The following ATP2B2 variants were observed in gnomAD, a reference collection of about 807,000 sequenced individuals.
ATP2B2 encodes plasma membrane calcium-transporting ATPase 2.
ATP2B2 carries 15 observed loss-of-function variants against 120.0 expected under a neutral mutation model. The observed-to-expected ratio is 0.12, with a 90% confidence interval of 0.08 to 0.19. The LOEUF is 0.19. ATP2B2 is among the 10% of genes least tolerant of loss of function. The pLI, the probability that ATP2B2 is intolerant of heterozygous loss-of-function variation, is 1.00. For synonymous variants in ATP2B2, 694 were observed against 700.3 expected, an observed-to-expected ratio of 0.99 and a Z score of 0.14; for missense variants, 1,045 against 1,719.8, an observed-to-expected ratio of 0.61 and a Z score of 6.94.
At chr3:10,496,571 T>C (rs1306096393) in intron 1 of ATP2B2, among the ~76,000 whole-genome samples, 1 of 152,168 alleles carries the variant, frequency 6.6e-6, no homozygotes, top group African/African-American at 2.4e-5. Flanking sequence ...CCTTGTTTCC[T>C]TTCAGCCCCT....
intron 2 of ATP2B2, among the ~76,000 whole-genome samples, chr3:10,605,899 T>C (rs1037326274): frequency 5.9e-5 from 9 of 152,156 alleles, no homozygotes; most frequent in Admixed American, 5.9e-4. Context: ...TCTGCCTGCC[T>C]CAGCCTCCCA....
intron 22 of ATP2B2, 128 bp downstream of exon 22, chr3:10,338,048 G>T: frequency 8.0e-7 from 1 of 1,251,462 alleles, no homozygotes; most frequent in Non-Finnish European, 1.1e-6. Context: ...GAGCTGGCCG[G>T]GACCCCTCTG....
intron 1 of ATP2B2, among the ~76,000 whole-genome samples, chr3:10,643,557 C>A (rs1468451536): frequency 1.3e-5 from 2 of 152,194 alleles, no homozygotes; most frequent in Admixed American, 1.3e-4. Flanking sequence ...GGGCACATGG[C>A]ATCACATGCC....
At chr3:10,516,962 ATGTGTG>A (rs112098821) in intron 3 of ATP2B2, among the ~76,000 whole-genome samples, 8 of 149,714 alleles carry the variant, frequency 5.3e-5, no homozygotes, top group African/African-American at 1.2e-4. Context: ...CAATTTTCAG[ATGTGTG>A]TGTGTGTGTG....
intron 1 of ATP2B2, among the ~76,000 whole-genome samples, chr3:10,676,831 C>G (rs994704913): frequency 6.6e-6 from 1 of 152,116 alleles, no homozygotes; most frequent in Admixed American, 6.6e-5. Flanking sequence ...ATAAATTATG[C>G]GGAAGGTGAT....
At chr3:10,330,008 T>A (rs1314426186) in intron 22 of ATP2B2, among the ~76,000 whole-genome samples, 1 of 152,142 alleles carries the variant, frequency 6.6e-6, no homozygotes, top group Non-Finnish European at 1.5e-5. Context: ...TGCTTTGGGG[T>A]CTCTTATTTC....
chr3:10,600,794 C>A (rs893436407), intron 2 of ATP2B2, among the ~76,000 whole-genome samples: 2 of 152,146 alleles, frequency 1.3e-5, no homozygotes, highest in African/African-American at 2.4e-5. Flanking sequence ...AGAAAACCAA[C>A]CTTTTCCCTC....
At chr3:10,483,023 G>T (rs1162316838) in intron 1 of ATP2B2, among the ~76,000 whole-genome samples, 1 of 152,220 alleles carries the variant, frequency 6.6e-6, no homozygotes, top group East Asian at 1.9e-4. Context: ...GAGAGGTGAA[G>T]TCGCTTACCC....
At chr3:10,355,418 C>T (rs1299414198) in intron 14 of ATP2B2, among the ~76,000 whole-genome samples, 1 of 152,038 alleles carries the variant, frequency 6.6e-6, no homozygotes, top group Non-Finnish European at 1.5e-5. Context: ...AGAGCGTGGC[C>T]CATGTGGATG....
chr3:10,342,141 G>T lies in ATP2B2; in HGVS notation c.2917+611C>A, dbSNP rs997519146. On this transcript the variant is annotated intron_variant, in intron 19 of 22. Coordinates refer to ENST00000360273, the MANE Select transcript of ATP2B2 (RefSeq NM_001001331.4). This position sits in a 1 kb window ranked among gnomAD's most constrained non-coding sequence, Gnocchi z 4.4. ...ACCAGGCCAGTCTTGGCCCCAGCCAGACCTGGTTCTGTGCCCAGACTCTTC... is the reference window on the plus strand; with the variant it reads ...ACCAGGCCAGTCTTGGCCCCAGCCATACCTGGTTCTGTGCCCAGACTCTTC... Among the ~76,000 whole-genome samples the T allele has an allele frequency of 2.6e-5, 4 of 152,254 alleles. No individual in the cohort carries two copies. Among genetic ancestry groups the T allele is most frequent in the Non-Finnish European group, 4.4e-5 (3 of 68,044 alleles).
chr3:10,490,327 A>G (rs1461852327), intron 1 of ATP2B2, among the ~76,000 whole-genome samples: 1 of 152,012 alleles, frequency 6.6e-6, no homozygotes, highest in Non-Finnish European at 1.5e-5. Context: ...GGGAATAATA[A>G]CTGCTAGAGG....
In ATP2B2 at chr3:10,342,239, G is replaced by T. The variant is rs1000123289; in HGVS notation, c.2917+513C>A. ...CCTTGGTGCCCTCGTTTGTAATGTGGGGTGGAGGCAAATGTGCTTGCCTCA... is the reference window on the plus strand; with the variant it reads ...CCTTGGTGCCCTCGTTTGTAATGTGTGGTGGAGGCAAATGTGCTTGCCTCA... On this transcript the variant is annotated intron_variant, in intron 19 of 22. Transcript: ENST00000360273. The surrounding 1 kb of genome is among the most constrained non-coding windows in gnomAD (Gnocchi z 4.4). 1.7e-4 allele frequency among the ~76,000 whole-genome samples: 26 copies of T among 152,212 alleles called. No homozygotes were observed. Among genetic ancestry groups the T allele is most frequent in the African/African-American group, 6.3e-4 (26 of 41,456 alleles).
At position 10,329,109 on chromosome 3, in the gene ATP2B2, G is replaced by A. The variant is rs1328157604; in HGVS notation, c.3437C>T (p.Ala1146Val). The A allele has an allele frequency of 6.2e-7, 1 of 1,612,038 alleles. No homozygotes were observed. The highest frequency in any genetic ancestry group is 8.5e-7 in the Non-Finnish European group (1 of 1,179,532). Residue 1146 changes from alanine (A) to valine (V), a missense_variant, in exon 23 of 23, where the codon GCG (alanine) becomes GTG (valine). Transcript: ENST00000360273. The surrounding 1 kb of genome is among the most constrained non-coding windows in gnomAD (Gnocchi z 5.9). ...RIQTQIRVVK[A>V]FRSSLYEGLE... is the part of the protein sequence containing the mutation. Reference sequence around the variant, plus strand: ...ACCTTCATAGAGAGAGCTACGGAACGCCTTCACGACGCGGATCTGCAAGGG... The same window carrying A: ...ACCTTCATAGAGAGAGCTACGGAACACCTTCACGACGCGGATCTGCAAGGG...
intron 1 of ATP2B2, among the ~76,000 whole-genome samples, chr3:10,674,950 C>T (rs2071205431): frequency 6.6e-6 from 1 of 152,222 alleles, no homozygotes; most frequent in African/African-American, 2.4e-5. Flanking sequence ...TGTTTAGCTA[C>T]CGTATCTCTT....
chr3:10,609,204 G>A (rs74995506), intron 2 of ATP2B2, among the ~76,000 whole-genome samples: 1 of 151,850 alleles, frequency 6.6e-6, no homozygotes, highest in African/African-American at 2.4e-5. Context: ...TCCTGGGTGT[G>A]TACCAGGCAA....
At chr3:10,455,004 G>C (rs1289155828) in intron 1 of ATP2B2, among the ~76,000 whole-genome samples, 1 of 152,150 alleles carries the variant, frequency 6.6e-6, no homozygotes, top group Non-Finnish European at 1.5e-5. Context: ...GATTCTGAGA[G>C]CATCATGTGG....
intron 1 of ATP2B2, among the ~76,000 whole-genome samples, chr3:10,457,997 T>C (rs1374940815): frequency 6.6e-6 from 1 of 152,134 alleles, no homozygotes; most frequent in Non-Finnish European, 1.5e-5. Flanking sequence ...CACTGTCCTC[T>C]GTTCTCAGAG....
chr3:10,533,030 G>A (rs116339529), intron 3 of ATP2B2, among the ~76,000 whole-genome samples: 3,135 of 152,342 alleles, frequency 0.021, 50 homozygotes, highest in East Asian at 0.053. Context: ...TGCAACGTAA[G>A]TTGTGTCTGA....
At chr3:10,523,723 C>T (rs1229926731) in intron 3 of ATP2B2, among the ~76,000 whole-genome samples, 1 of 151,942 alleles carries the variant, frequency 6.6e-6, no homozygotes, top group East Asian at 1.9e-4. Flanking sequence ...CTTGATTATT[C>T]GGGGATCCTG....
Sources: allele counts gnomAD v4.1 joint callset (sites outside exome capture counted in the v4.1 genomes callset), GRCh38; gene constraint gnomAD v4.1.1; non-coding constraint Gnocchi (gnomAD v3.1); transcripts MANE v1.5; gene names NCBI Gene and HGNC (gene_info 2026-07-23, HGNC 2026-07-21).